OSBPL10: variants seen among roughly 807,000 people sequenced by gnomAD.
OSBPL10 encodes the protein oxysterol binding protein like 10.
Under a neutral mutation model 81.7 loss-of-function variants are expected in OSBPL10, and 49 were observed. The observed-to-expected ratio is 0.60, with a 90% CI of 0.48 to 0.76. The LOEUF (loss-of-function observed/expected upper bound fraction) is 0.76, where lower values mean the gene tolerates loss of function less well. OSBPL10 is among the 30% of genes least tolerant of loss of function. The pLI is 0.00. For synonymous variants in OSBPL10, 419 were observed against 383.6 expected (o/e 1.09, Z -1.08); for missense variants, 923 against 987.8 (o/e 0.93, Z 0.88).
intron 4 of OSBPL10, among the ~76,000 whole-genome samples, chr3:31,819,535 A>T (rs1699929899): frequency 6.6e-6 from 1 of 152,212 alleles, no homozygotes; most frequent in African/African-American, 2.4e-5. Context: ...GGTACTGCAC[A>T]GGCCAGGGGC....
At chr3:31,876,038 A>G (rs1340594666) in intron 3 of OSBPL10, among the ~76,000 whole-genome samples, 1 of 152,158 alleles carries the variant, frequency 6.6e-6, no homozygotes, top group Non-Finnish European at 1.5e-5. Flanking sequence ...TGCAAAGTAC[A>G]TAAGCAATTC....
chr3:31,784,382 A>C (rs1176420680), intron 4 of OSBPL10, among the ~76,000 whole-genome samples: 1 of 151,572 alleles, frequency 6.6e-6, no homozygotes, highest in Non-Finnish European at 1.5e-5. Context: ...AAGGAAAGGG[A>C]AAAGGAAAAG....
intron 4 of OSBPL10, among the ~76,000 whole-genome samples, chr3:31,811,954 C>T (rs1699692462): frequency 6.6e-6 from 1 of 152,224 alleles, no homozygotes; most frequent in African/African-American, 2.4e-5. Context: ...AGAGTTATCA[C>T]AGAAGTTACA....
intron 2 of OSBPL10, among the ~76,000 whole-genome samples, chr3:32,019,096 C>G (rs556881211): frequency 1.3e-5 from 2 of 152,292 alleles, no homozygotes; most frequent in African/African-American, 4.8e-5. Flanking sequence ...GCTGTGCAAT[C>G]ATCACATTCC....
chr3:31,728,425 A>G (rs1415557663), intron 6 of OSBPL10, among the ~76,000 whole-genome samples: 2 of 152,168 alleles, frequency 1.3e-5, no homozygotes, highest in Non-Finnish European at 2.9e-5. Context: ...CCAGATATTT[A>G]CCCTCAAATA....
chr3:31,783,146 T>TATACACACACACACACACACACACAC (rs1485968747), intron 4 of OSBPL10, among the ~76,000 whole-genome samples: 3 of 113,024 alleles, frequency 2.7e-5, no homozygotes, highest in African/African-American at 1.2e-4. Flanking sequence ...TATATATATA[T>TATACACACACACACACACACACACAC]ACACACACAC....
rs568104229 is a variant in OSBPL10 at position 31,675,501 on chromosome 3, T to C, written c.1727-4518A>G. 2.9e-4 allele frequency among the ~76,000 whole-genome samples: 44 copies of C among 152,314 alleles called. No individual in the cohort carries two copies. In the East Asian group the frequency reaches 5.2e-3, roughly 18 times the overall value. ...GAGATAATGGTATCTGTATCTCCCA[T>C]GGCTGTCGTAAAGATGGAGAAGGCG... On this transcript the variant is annotated intron_variant, in intron 8 of 11. Transcript: ENST00000396556.
intron 4 of OSBPL10, among the ~76,000 whole-genome samples, chr3:31,753,041 G>T (rs1056890592): frequency 6.6e-6 from 1 of 152,150 alleles, no homozygotes; most frequent in African/African-American, 2.4e-5. Flanking sequence ...AGATGGCCTT[G>T]GTTTGGCATT....
intron 3 of OSBPL10, among the ~76,000 whole-genome samples, chr3:31,834,878 C>T (rs1183032443): frequency 6.6e-6 from 1 of 152,194 alleles, no homozygotes; most frequent in South Asian, 2.1e-4. Flanking sequence ...GGCTCCAACA[C>T]TTGCAAGCTG....
At chr3:32,023,251 G>A (rs976511409) in intron 2 of OSBPL10, among the ~76,000 whole-genome samples, 4 of 152,132 alleles carry the variant, frequency 2.6e-5, no homozygotes, top group Non-Finnish European at 5.9e-5. Context: ...TCATGGGGGC[G>A]AGTCTCTCCC....
At chr3:31,712,651 A>C (rs139020913) in intron 6 of OSBPL10, among the ~76,000 whole-genome samples, 116 of 152,338 alleles carry the variant, frequency 7.6e-4, no homozygotes, top group African/African-American at 2.6e-3. Flanking sequence ...AGCCCTGCCA[A>C]CACCTTGATT....
At chr3:31,943,967 CAAAAAAAA>C (rs55770286) in intron 1 of OSBPL10, among the ~76,000 whole-genome samples, 33 of 37,778 alleles carry the variant, frequency 8.7e-4, no homozygotes, top group South Asian at 3.3e-3. Flanking sequence ...GACTCCGTCT[CAAAAAAAA>C]AAAAAAAAAA....
chr3:31,951,984 A>C, intron 1 of OSBPL10, among the ~76,000 whole-genome samples: 1 of 152,162 alleles, frequency 6.6e-6, no homozygotes, highest in Admixed American at 6.5e-5. Flanking sequence ...CTCTTACAGA[A>C]CTCCTACTAT....
At chr3:32,069,203 A>G (rs141571141) in intron 1 of OSBPL10, among the ~76,000 whole-genome samples, 1,857 of 152,240 alleles carry the variant, frequency 0.012, 43 homozygotes, top group African/African-American at 0.042. Flanking sequence ...ACTCTGTCCT[A>G]CAATTTAACT....
chr3:31,989,537 A>T, intron 2 of OSBPL10: 1 of 1,614,234 alleles, frequency 6.2e-7, no homozygotes, highest in Non-Finnish European at 8.5e-7. Context: ...CCTATCAAAG[A>T]TCAGCTTGGA....
At chr3:31,685,755 T>A (rs780507933) in intron 7 of OSBPL10, among the ~76,000 whole-genome samples, 2 of 152,128 alleles carry the variant, frequency 1.3e-5, no homozygotes, top group South Asian at 2.1e-4. Context: ...ACCACAAATA[T>A]CACACAGGCT....
At chr3:31,977,606 A>T (rs1698725557) in intron 1 of OSBPL10, among the ~76,000 whole-genome samples, 1 of 152,216 alleles carries the variant, frequency 6.6e-6, no homozygotes, top group Non-Finnish European at 1.5e-5. Flanking sequence ...CTAAGTGACA[A>T]TGTGAATAGC....
At chr3:31,725,609 A>G (rs17028131) in intron 6 of OSBPL10, among the ~76,000 whole-genome samples, 1 of 152,160 alleles carries the variant, frequency 6.6e-6, no homozygotes, top group Non-Finnish European at 1.5e-5. Flanking sequence ...TCAAGGCCAC[A>G]GATGAGGAAT....
intron 7 of OSBPL10, chr3:31,700,193 C>T (rs1695850098): frequency 6.6e-6 from 1 of 152,140 alleles, no homozygotes; most frequent in African/African-American, 2.4e-5. Context: ...TTCAGGTACT[C>T]AACTGAGTAT....
Sources: gnomAD v4.1 joint callset for allele counts (sites outside exome capture counted in the v4.1 genomes callset) on GRCh38, gnomAD v4.1.1 for gene constraint, MANE v1.5 for transcripts, NCBI Gene and HGNC (gene_info 2026-07-23, HGNC 2026-07-21) for gene names.